Variants in CHST15 observed in about 807,000 individuals in gnomAD.
CHST15 encodes B cell RAG associated protein (GALNAC4S-6ST).
CHST15 carries 30 observed loss-of-function variants against 53.6 expected under a neutral mutation model. The observed-to-expected ratio is 0.56, with a 90% CI of 0.42 to 0.76. CHST15 has a LOEUF of 0.76. Among genes scored for constraint, CHST15 ranks in the 30% least tolerant of loss-of-function variants. CHST15 has a pLI of 0.00. For missense variants in CHST15, 627 were observed against 740.5 expected, an observed-to-expected ratio of 0.85 and a Z score of 1.78; for synonymous variants, 296 against 289.8, an observed-to-expected ratio of 1.02 and a Z score of -0.22.
Position 124,008,362 on chromosome 10 carries a change from C to G in CHST15, c.*1787G>C. On this transcript the variant is annotated 3_prime_UTR_variant, in exon 8 of 8. Transcript: ENST00000435907. ...GTGCGCGTACACACACACACACGCG[C>G]GCACTGTACTGCAAATAAATATACA... 9.7e-7 allele frequency: 1 copy of G among 1,033,620 alleles called. No individual in the cohort carries two copies. The highest frequency in any genetic ancestry group is 1.2e-6 in the Non-Finnish European group (1 of 862,168). The allele number at this position is 1,033,620 out of a possible 1,614,324, so 64.0% of individuals were successfully genotyped here.
chr10:124,045,137 A>AAAAAC (rs1564882393), intron 2 of CHST15, among the ~76,000 whole-genome samples: 6 of 144,366 alleles, frequency 4.2e-5, no homozygotes, highest in African/African-American at 1.7e-4. Flanking sequence ...AAAAAAAAAA[A>AAAAAC]AAAAAAACTT....
rs1949014088 is a variant in CHST15 at position 124,074,439 on chromosome 10, G to A, written c.-513+19030C>T. On this transcript the variant is annotated intron_variant, in intron 1 of 7. Coordinates refer to ENST00000435907, the MANE Select transcript of CHST15 (RefSeq NM_001270764.2). The surrounding 1 kb of genome is among the most constrained non-coding windows in gnomAD (Gnocchi z 4.4). ...GGGCGGGGGCCTAGTTGGGAGCATC[G>A]CCCAGTTGTGATCATCAATCCAGTC... is the stretch of plus-strand genomic sequence containing the variant. 6.6e-6 allele frequency among the ~76,000 whole-genome samples: 1 copy of A among 152,146 alleles called. No individual in the cohort carries two copies. The highest frequency in any genetic ancestry group is 6.5e-5 in the Admixed American group (1 of 15,282).
At position 124,038,584 on chromosome 10, in the gene CHST15, G is replaced by A. The variant is rs765085481; in HGVS notation, c.1121C>T (p.Thr374Met). The stretch of plus-strand genomic sequence containing the variant: ...CTGAAAGGCGTGGATGAAGTCCTGC[G>A]TCAGAAACGGTGGCTCGCCATCCGT... Reference protein sequence around the residue: ...NSTDGEPPFLTQDFIHAFQPN... With the variant: ...NSTDGEPPFLMQDFIHAFQPN... Residue 374 changes from threonine (T) to methionine (M), a missense_variant, in exon 5 of 8, where the codon ACG (threonine) becomes ATG (methionine). Around this residue, in one of 3 missense-constraint regions of CHST15, gnomAD observed 279 missense variants for 371.6 expected, o/e 0.75. Coordinates refer to ENST00000435907, the MANE Select transcript of CHST15 (RefSeq NM_001270764.2). 79 of 1,614,080 alleles carry A rather than the reference G, an allele frequency of 4.9e-5. No homozygotes were observed. The highest frequency in any genetic ancestry group is 1.0e-4 in the Admixed American group (6 of 60,016).
chr10:124,027,570 T>C (rs1947061080), intron 5 of CHST15, among the ~76,000 whole-genome samples: 1 of 152,210 alleles, frequency 6.6e-6, no homozygotes, highest in African/African-American at 2.4e-5. Flanking sequence ...GGGCTCTGTG[T>C]GATTGCTTTC....
chr10:124,012,386 T>C lies in CHST15; in HGVS notation c.1442A>G (p.His481Arg). ...CATGGTGTACTTGACGTTGGATGCATGATCTTCCAGGCGAAGAATGAGAAA... is the reference window on the plus strand; with the variant it reads ...CATGGTGTACTTGACGTTGGATGCACGATCTTCCAGGCGAAGAATGAGAAA... ...QQFLILRLED[H>R]ASNVKYTMHK... is the part of the protein sequence containing the mutation. The change falls in exon 7 of 8, where the codon CAT becomes CGT. Residue 481 changes from histidine to arginine, a missense_variant. Coordinates refer to ENST00000435907, the MANE Select transcript of CHST15 (RefSeq NM_001270764.2). 3 of 1,614,070 alleles carry C rather than the reference T, an allele frequency of 1.9e-6. No individual in the cohort carries two copies. Among genetic ancestry groups the C allele is most frequent in the Non-Finnish European group, 2.5e-6 (3 of 1,180,012 alleles).
chr10:124,011,453 G>C (rs1488704747), intron 7 of CHST15: 1 of 985,334 alleles, frequency 1.0e-6, no homozygotes, highest in Non-Finnish European at 1.2e-6. Flanking sequence ...TGATCAAAGA[G>C]GCCCAAGTCC....
At chr10:124,039,766 C>A (rs557134230) in intron 4 of CHST15, among the ~76,000 whole-genome samples, 1 of 152,068 alleles carries the variant, frequency 6.6e-6, no homozygotes, top group African/African-American at 2.4e-5. Flanking sequence ...AGTGTGTGTG[C>A]GTGTATGTGT....
At chr10:124,089,492 CCAGTA>C (rs1949537827) in intron 1 of CHST15, among the ~76,000 whole-genome samples, 1 of 152,062 alleles carries the variant, frequency 6.6e-6, no homozygotes, top group Non-Finnish European at 1.5e-5. Context: ...AGGCCTCAGC[CCAGTA>C]CAGTGGAGAT....
chr10:124,073,151 A>T (rs1008386819), intron 1 of CHST15, among the ~76,000 whole-genome samples: 1 of 152,224 alleles, frequency 6.6e-6, no homozygotes, highest in Non-Finnish European at 1.5e-5. Flanking sequence ...ATCAAAAGAC[A>T]TCAACTAGAA....
At chr10:124,093,104 G>A (rs1949655153) in intron 1 of CHST15, among the ~76,000 whole-genome samples, 1 of 152,218 alleles carries the variant, frequency 6.6e-6, no homozygotes, top group Non-Finnish European at 1.5e-5. Flanking sequence ...AGCGCGCAGG[G>A]CGCCCGGAGC....
At chr10:124,038,747 C>T in intron 4 of CHST15, 76 bp from the exon 5 acceptor site, 1 of 1,487,116 alleles carries the variant, frequency 6.7e-7, no homozygotes, top group Non-Finnish European at 9.3e-7. Context: ...TGCCAGAGGC[C>T]ACACCTGGCC....
intron 5 of CHST15, among the ~76,000 whole-genome samples, chr10:124,027,723 G>A (rs903685556): frequency 6.6e-6 from 1 of 152,182 alleles, no homozygotes; most frequent in Non-Finnish European, 1.5e-5. Flanking sequence ...TGAGATGTGG[G>A]CCACCCCATT....
At chr10:124,056,714 C>T (rs942271308) in intron 1 of CHST15, among the ~76,000 whole-genome samples, 15 of 152,270 alleles carry the variant, frequency 9.9e-5, no homozygotes, top group African/African-American at 2.9e-4. Context: ...ATTTTGTCCC[C>T]GCACATCAAA....
chr10:124,073,246 C>T lies in CHST15; in HGVS notation c.-513+20223G>A, dbSNP rs568471264. Among the ~76,000 whole-genome samples the T allele has an allele frequency of 1.1e-4, 17 of 152,256 alleles. No individual in the cohort carries two copies. In the South Asian group the frequency reaches 2.5e-3, roughly 22 times the overall value. ...AGAACGGACAAATACAATTCAGCTGCGAAAATGGACAAGCTTCACCAGGGA... is the reference window on the plus strand; with the variant it reads ...AGAACGGACAAATACAATTCAGCTGTGAAAATGGACAAGCTTCACCAGGGA... On this transcript the variant is annotated intron_variant, in intron 1 of 7. Coordinates refer to ENST00000435907, the MANE Select transcript of CHST15 (RefSeq NM_001270764.2).
chr10:124,066,396 A>G (rs1215633557), intron 1 of CHST15, among the ~76,000 whole-genome samples: 1 of 151,998 alleles, frequency 6.6e-6, no homozygotes, highest in African/African-American at 2.4e-5. Context: ...GTGTTCTGTC[A>G]CTGCTTCTGC....
intron 3 of CHST15, among the ~76,000 whole-genome samples, chr10:124,044,045 A>G (rs540769237): frequency 4.9e-4 from 70 of 144,288 alleles, no homozygotes; most frequent in Non-Finnish European, 7.5e-4. Context: ...CACAGAGCCA[A>G]GGAACAGCAC....
In CHST15 at chr10:124,015,069, C is replaced by T. The variant is rs373597350; in HGVS notation, c.1348-2589G>A. ...TTCCCTCTGATCTATCTGCTCCAAACGCCCCTCAATTCCCACCCCAACCCC... is the reference window on the plus strand; with the variant it reads ...TTCCCTCTGATCTATCTGCTCCAAATGCCCCTCAATTCCCACCCCAACCCC... On this transcript the variant is annotated intron_variant, in intron 6 of 7. Transcript: ENST00000435907. 7.2e-5 allele frequency among the ~76,000 whole-genome samples: 11 copies of T among 152,278 alleles called. No homozygotes were observed. The East Asian group carries it at 9.7e-4, about 13-fold the overall frequency.
At position 124,045,659 on chromosome 10, in the gene CHST15, C is replaced by T; in HGVS notation, c.546+8G>A. The T allele has an allele frequency of 6.4e-7, 1 of 1,573,036 alleles. No individual in the cohort carries two copies. Among genetic ancestry groups the T allele is most frequent in the Non-Finnish European group, 8.6e-7 (1 of 1,160,056 alleles). On this transcript the variant is annotated splice_region_variant and intron_variant, in intron 2 of 7. Coordinates refer to ENST00000435907, the MANE Select transcript of CHST15 (RefSeq NM_001270764.2). ...CCAATCAGTCAAGATTAGCACAAAG[C>T]TACTCACATGCAACTCCTGCTTCTT...
intron 1 of CHST15, among the ~76,000 whole-genome samples, chr10:124,054,423 G>A (rs554576287): frequency 9.8e-4 from 149 of 152,226 alleles, no homozygotes; most frequent in African/African-American, 3.4e-3. Flanking sequence ...TGCATACAAC[G>A]TACATTCAAT....
Sources: gnomAD v4.1 joint callset for allele counts (sites outside exome capture counted in the v4.1 genomes callset) on GRCh38, gnomAD v4.1.1 for gene constraint, gnomAD v4.1.1 regional missense constraint, Gnocchi (gnomAD v3.1) non-coding constraint, MANE v1.5 for transcripts, NCBI Gene and HGNC (gene_info 2026-07-23, HGNC 2026-07-21) for gene names.